The following IL13RA1 variants were observed in gnomAD, a reference collection of about 807,000 sequenced individuals.
The protein encoded by IL13RA1 is interleukin 13 receptor subunit alpha 1, also known as interleukin-13 receptor subunit alpha-1.
A neutral mutation model predicts 33.8 loss-of-function variants in IL13RA1; 14 were observed. The ratio of observed to expected loss-of-function variants is 0.41; its 90% confidence interval spans 0.27 to 0.65. The LOEUF (loss-of-function observed/expected upper bound fraction) is 0.65, where lower values mean the gene tolerates loss of function less well. Among genes scored for constraint, IL13RA1 ranks in the 30% least tolerant of loss-of-function variants. The pLI is 0.28. For missense variants in IL13RA1, 313 were observed against 327.0 expected (o/e 0.96, Z 0.33); for synonymous variants, 116 against 115.7 (o/e 1.00, Z -0.02).
Position 118,784,090 on chromosome X carries a change from A to AAATATATATATAT in IL13RA1, c.1191+7580_1191+7581insATATATATATATA, listed in dbSNP as rs1556372973. Reference sequence around the variant, plus strand: ...AGACTCTGTCGCCAAAAAAAAAAAAAATATATATATATATATATACGTATA... The same window carrying AAATATATATATAT: ...AGACTCTGTCGCCAAAAAAAAAAAAAAATATATATATATATATATATATATATATATACGTATA... On this transcript the variant is annotated intron_variant, in intron 10 of 10. Coordinates refer to ENST00000371666, the MANE Select transcript of IL13RA1 (RefSeq NM_001560.3). Among the ~76,000 whole-genome samples, 213 of 63,835 alleles carry AAATATATATATAT rather than the reference A, an allele frequency of 3.3e-3. 2 individuals are homozygous for AAATATATATATAT. The highest frequency in any genetic ancestry group is 9.5e-3 in the East Asian group (14 of 1,481). The allele number at this position is 63,835 out of a possible 115,157, so 55.4% of individuals were successfully genotyped here.
rs2017168148 is a variant in IL13RA1 at position 118,727,674 on chromosome X, GC to G, written c.37del (p.Leu13CysfsTer23). On this transcript the variant is annotated frameshift_variant, in exon 1 of 11. Transcript: ENST00000371666. LOFTEE classifies it high-confidence loss of function. ...WPARLCGLWA[L>X]LLCAGGGGGG... ...CGGCGCGGCTCTGCGGGCTGTGGGC[GC>G]TGCTGCTCTGCGCCGGCGGCGGGGG... The G allele has an allele frequency of 1.1e-6, 1 of 915,984 alleles. No homozygotes were observed. Among genetic ancestry groups the G allele is most frequent in the Non-Finnish European group, 1.3e-6 (1 of 741,152 alleles). The allele number at this position is 915,984 out of a possible 1,213,427, so 75.5% of individuals were successfully genotyped here.
At chrX:118,731,813 A>G (rs1422776698) in intron 1 of IL13RA1, among the ~76,000 whole-genome samples, 1 of 111,975 alleles carries the variant, frequency 8.9e-6, no homozygotes, top group East Asian at 2.8e-4. Flanking sequence ...CAAGTAGTAG[A>G]GGTGGGATAT....
At chrX:118,797,992 A>G (rs2018040621), downstream of IL13RA1, among the ~76,000 whole-genome samples, 1 of 111,948 alleles carries the variant, frequency 8.9e-6, no homozygotes, top group African/African-American at 3.2e-5. Context: ...GTGTGATATA[A>G]TATGTTTGTG....
At chrX:118,770,253 G>A (rs902670807) in intron 8 of IL13RA1, 13 of 322,370 alleles carry the variant, frequency 4.0e-5, no homozygotes, top group African/African-American at 2.6e-4. Flanking sequence ...CCTGCCCATC[G>A]TGCACCCTGC....
the IL13RA1 span, among the ~76,000 whole-genome samples, chrX:118,803,929 TC>T: frequency 2.0e-5 from 2 of 99,679 alleles, no homozygotes; most frequent in South Asian, 5.0e-4. Context: ...TTCCTCTCTC[TC>T]TTTTTTTTCT....
chrX:118,801,029 A>G, the IL13RA1 span, among the ~76,000 whole-genome samples: 2 of 111,680 alleles, frequency 1.8e-5, no homozygotes, highest in East Asian at 5.6e-4. Flanking sequence ...GGCTCAAACA[A>G]TCCTCCCACT....
At chrX:118,738,693 G>C (rs552550965) in intron 1 of IL13RA1, among the ~76,000 whole-genome samples, 2 of 109,421 alleles carry the variant, frequency 1.8e-5, no homozygotes, top group South Asian at 3.9e-4. Context: ...ACAGGTGCAT[G>C]TGTCTTTATG....
At chrX:118,781,213 T>C (rs1280047309) in intron 10 of IL13RA1, among the ~76,000 whole-genome samples, 1 of 109,358 alleles carries the variant, frequency 9.1e-6, no homozygotes, top group Admixed American at 9.7e-5. Context: ...AAAAAAAATC[T>C]GTCCTCCCCC....
chrX:118,736,850 C>A (rs1023137132), intron 1 of IL13RA1, among the ~76,000 whole-genome samples: 2 of 112,835 alleles, frequency 1.8e-5, no homozygotes, highest in Non-Finnish European at 3.7e-5. Flanking sequence ...TCTTTAACTG[C>A]TGGCCTCAAG....
intron 1 of IL13RA1, among the ~76,000 whole-genome samples, chrX:118,731,255 A>T (rs1168330233): frequency 9.0e-6 from 1 of 111,679 alleles, no homozygotes; most frequent in Non-Finnish European, 1.9e-5. Context: ...CTCAAAGGCC[A>T]GGGACACATA....
At chrX:118,781,579 T>C (rs2017843861) in intron 10 of IL13RA1, among the ~76,000 whole-genome samples, 1 of 112,415 alleles carries the variant, frequency 8.9e-6, no homozygotes, top group African/African-American at 3.2e-5. Flanking sequence ...CTCGAACTCC[T>C]GACCTCAGGT....
chrX:118,737,932 A>G (rs1447458708), intron 1 of IL13RA1: 3 of 111,906 alleles, frequency 2.7e-5, no homozygotes, highest in Admixed American at 1.9e-4. Flanking sequence ...AGTAGGAACA[A>G]TGTTTTTATT....
chrX:118,785,111 G>C (rs746049914), intron 10 of IL13RA1, among the ~76,000 whole-genome samples: 1 of 107,622 alleles, frequency 9.3e-6, no homozygotes, highest in African/African-American at 3.4e-5. Context: ...CATCTTTTTT[G>C]TTTTGGCACA....
Position 118,747,658 on chromosome X carries a change from C to T in IL13RA1, c.367+566C>T, listed in dbSNP as rs760215653. On this transcript the variant is annotated intron_variant, in intron 3 of 10. Coordinates refer to ENST00000371666, the MANE Select transcript of IL13RA1 (RefSeq NM_001560.3). ...GGCCTGGCTCCAATACAAGTCTAGA[C>T]AAGATAGTACAAGACAACCTTAGGA... Among the ~76,000 whole-genome samples, 11 of 111,397 alleles carry T rather than the reference C, an allele frequency of 9.9e-5. No individual in the cohort carries two copies. The South Asian group carries it at 4.1e-3, about 42-fold the overall frequency.
chrX:118,791,142 TAAA>T (rs541356995), intron 10 of IL13RA1, among the ~76,000 whole-genome samples: 1 of 110,749 alleles, frequency 9.0e-6, no homozygotes, highest in African/African-American at 3.3e-5. Context: ...CAAGTAAAAG[TAAA>T]AAAAAGGCAA....
In IL13RA1 at chrX:118,792,050, G is replaced by A. The variant is rs2017981331; in HGVS notation, c.*196G>A. 3.5e-6 allele frequency: 1 copy of A among 284,603 alleles called. No homozygotes were observed. The highest frequency in any genetic ancestry group is 6.1e-6 in the Non-Finnish European group (1 of 163,459). The allele number at this position is 284,603 out of a possible 1,213,427, so 23.5% of individuals were successfully genotyped here. A position where few individuals can be genotyped will look rare whatever the true frequency, so the allele number is the denominator to read the frequency against. On this transcript the variant is annotated 3_prime_UTR_variant, in exon 11 of 11. Coordinates refer to ENST00000371666, the MANE Select transcript of IL13RA1 (RefSeq NM_001560.3). ...AATAATGGGCGCTTTGGAGAAGAGT[G>A]TGGAGTCATTCTCATTGAATTATAA...
chrX:118,767,902 C>T (rs2017668019), intron 8 of IL13RA1, among the ~76,000 whole-genome samples: 1 of 111,876 alleles, frequency 8.9e-6, no homozygotes, highest in Non-Finnish European at 1.9e-5. Context: ...ATGGTCACAT[C>T]AGAATTGTGC....
At chrX:118,731,126 C>A (rs1265354241) in intron 1 of IL13RA1, among the ~76,000 whole-genome samples, 4 of 112,016 alleles carry the variant, frequency 3.6e-5, no homozygotes. Context: ...GGTTTAGATA[C>A]AGACATACTT....
chrX:118,798,853 C>T (rs770272447), downstream of IL13RA1, among the ~76,000 whole-genome samples: 1 of 112,868 alleles, frequency 8.9e-6, no homozygotes, highest in East Asian at 2.8e-4. Context: ...CCCACTTTGG[C>T]GGCACTTGAG....
Sources: gnomAD v4.1 joint callset for allele counts (sites outside exome capture counted in the v4.1 genomes callset) on GRCh38, gnomAD v4.1.1 for gene constraint, MANE v1.5 for transcripts, NCBI Gene and HGNC (gene_info 2026-07-23, HGNC 2026-07-21) for gene names.